WDR89: variants seen among roughly 807,000 people sequenced by gnomAD.
WDR89 encodes WD repeat-containing protein 89.
A neutral mutation model predicts 29.1 loss-of-function variants in WDR89; 17 were observed. The ratio of observed to expected loss-of-function variants is 0.58; its 90% CI spans 0.40 to 0.88. WDR89 has a LOEUF of 0.88. Among genes scored for constraint, WDR89 ranks in the 40% least tolerant of loss-of-function variants. The probability of loss-of-function intolerance (pLI) is 0.00; values close to 1 mark genes in which losing one functional copy is unlikely to be tolerated. For missense variants in WDR89, 396 were observed against 456.3 expected, an observed-to-expected ratio of 0.87 and a Z score of 1.20; for synonymous variants, 138 against 157.8, an observed-to-expected ratio of 0.87 and a Z score of 0.94.
chr14:63,608,665 T>TGCACACACACACAC (rs1566791762), intron 2 of WDR89, among the ~76,000 whole-genome samples: 1 of 124,126 alleles, frequency 8.1e-6, no homozygotes, highest in Non-Finnish European at 1.6e-5. Flanking sequence ...GTGTGGTGCA[T>TGCACACACACACAC]GCACACACAC....
chr14:63,627,146 ACACACTCTCTCT>A (rs1416651484), intron 1 of WDR89, among the ~76,000 whole-genome samples: 21 of 130,576 alleles, frequency 1.6e-4, no homozygotes, highest in African/African-American at 6.4e-4. Flanking sequence ...ACACACACAC[ACACACTCTCTCT>A]CTCTCTCTCT....
Position 63,599,077 on chromosome 14 carries a change from A to G in WDR89, c.866T>C (p.Leu289Ser), listed in dbSNP as rs1450705425. 1 of 1,614,152 alleles carries G rather than the reference A, an allele frequency of 6.2e-7. No individual in the cohort carries two copies. Among genetic ancestry groups the G allele is most frequent in the Non-Finnish European group, 8.5e-7 (1 of 1,180,022 alleles). Residue 289 changes from leucine to serine, a missense_variant, in exon 3 of 3, where the codon TTG (leucine) becomes TCG (serine). Transcript: ENST00000620954. ...TTTGTTTGTTCCTCCAATAACATGC[A>G]ATGTGTCTGTCTTTTCATGATATAG... Reference protein sequence around the residue: ...GGLYHEKTDTLHVIGGTNKGR... With the variant: ...GGLYHEKTDTSHVIGGTNKGR...
chr14:63,612,617 C>T (rs1275037299), intron 2 of WDR89, among the ~76,000 whole-genome samples: 3 of 152,108 alleles, frequency 2.0e-5, no homozygotes, highest in Non-Finnish European at 4.4e-5. Flanking sequence ...TCAGGTGATC[C>T]ATCCGCCTCG....
At chr14:63,606,011 T>C (rs556577601) in intron 2 of WDR89, among the ~76,000 whole-genome samples, 1 of 151,868 alleles carries the variant, frequency 6.6e-6, no homozygotes, top group East Asian at 1.9e-4. Flanking sequence ...TTTTCTTCTT[T>C]TTTTTTTTGG....
chr14:63,622,929 A>ACT (rs1882793670), intron 2 of WDR89, among the ~76,000 whole-genome samples: 7 of 152,076 alleles, frequency 4.6e-5, no homozygotes, highest in Non-Finnish European at 1.5e-5. Context: ...GGCCAGGCAC[A>ACT]GTGGCTCACG....
chr14:63,604,771 G>A (rs1172384641), intron 2 of WDR89, among the ~76,000 whole-genome samples: 1 of 152,164 alleles, frequency 6.6e-6, no homozygotes, highest in Non-Finnish European at 1.5e-5. Flanking sequence ...ATGCCTAACT[G>A]ATTCAACTTT....
chr14:63,633,856 TC>T (rs1355504225), intron 1 of WDR89, among the ~76,000 whole-genome samples: 20 of 152,276 alleles, frequency 1.3e-4, no homozygotes, highest in Non-Finnish European at 1.5e-4. Context: ...GCTTTGTAGA[TC>T]AGATGTGAAG....
chr14:63,610,586 G>C (rs144682299), intron 2 of WDR89, among the ~76,000 whole-genome samples: 3 of 151,858 alleles, frequency 2.0e-5, no homozygotes, highest in East Asian at 1.9e-4. Context: ...ATGAACCCCC[G>C]GTATGATGTG....
At chr14:63,604,223 G>A (rs889212999) in intron 2 of WDR89, among the ~76,000 whole-genome samples, 4 of 152,154 alleles carry the variant, frequency 2.6e-5, no homozygotes, top group African/African-American at 4.8e-5. Flanking sequence ...CCAGGGGTTC[G>A]AGACCAGCCT....
intron 2 of WDR89, among the ~76,000 whole-genome samples, chr14:63,623,458 C>T (rs1193868327): frequency 6.6e-6 from 1 of 151,964 alleles, no homozygotes; most frequent in African/African-American, 2.4e-5. Flanking sequence ...AATCCCAGCA[C>T]TTTGGGAGGC....
At chr14:63,605,485 A>T (rs1467219628) in intron 2 of WDR89, among the ~76,000 whole-genome samples, 1 of 149,562 alleles carries the variant, frequency 6.7e-6, no homozygotes, top group African/African-American at 2.5e-5. Flanking sequence ...TTTGAGACGG[A>T]GTTTCGCTTT....
At chr14:63,635,701 G>A (rs1324273344) in intron 1 of WDR89, among the ~76,000 whole-genome samples, 4 of 152,174 alleles carry the variant, frequency 2.6e-5, no homozygotes, top group Non-Finnish European at 4.4e-5. Context: ...ACTGTTTGCT[G>A]AAGACATGGT....
At chr14:63,612,374 AGAGTGTAGTGGT>A (rs1169911699) in intron 2 of WDR89, among the ~76,000 whole-genome samples, 1 of 149,012 alleles carries the variant, frequency 6.7e-6, no homozygotes, top group Non-Finnish European at 1.5e-5. Context: ...CGCCCGGGCT[AGAGTGTAGTGGT>A]GGGATCTCTG....
rs1172079581 is a variant in WDR89, at chr14:63,618,905, C to T, written c.-32+6023G>A. On this transcript the variant is annotated intron_variant, in intron 2 of 2. Transcript: ENST00000620954. The stretch of plus-strand genomic sequence containing the variant: ...ACCCTCGGGGAAAAAAGGAATAATG[C>T]CTTGAAAATTCTGAGTCAAAATTAT... 2.6e-5 allele frequency among the ~76,000 whole-genome samples: 4 copies of T among 152,138 alleles called. No homozygotes were observed. In the East Asian group the frequency reaches 7.7e-4, roughly 29 times the overall value.
At chr14:63,601,991 CCTGT>C (rs1391639212) in intron 2 of WDR89, among the ~76,000 whole-genome samples, 12 of 152,210 alleles carry the variant, frequency 7.9e-5, no homozygotes, top group Non-Finnish European at 1.3e-4. Flanking sequence ...TTCTTTCTAG[CCTGT>C]CTAACAAATT....
intron 2 of WDR89, among the ~76,000 whole-genome samples, chr14:63,615,805 T>C (rs991143017): frequency 4.9e-4 from 74 of 151,838 alleles, no homozygotes; most frequent in African/African-American, 1.7e-3. Context: ...GTGTCTGTAC[T>C]CCCAGCTACT....
intron 2 of WDR89, among the ~76,000 whole-genome samples, chr14:63,610,726 G>A (rs1400919466): frequency 1.4e-5 from 2 of 145,322 alleles, no homozygotes; most frequent in Admixed American, 1.4e-4. Flanking sequence ...TTTTTGAGAG[G>A]GAGTCTCACT....
intron 2 of WDR89, among the ~76,000 whole-genome samples, chr14:63,604,049 G>C (rs1173360937): frequency 6.6e-6 from 1 of 152,190 alleles, no homozygotes; most frequent in Non-Finnish European, 1.5e-5. Context: ...CCTGCCCAGA[G>C]AGAGTCTCTC....
chr14:63,615,148 T>C (rs1342893931), intron 2 of WDR89, among the ~76,000 whole-genome samples: 2 of 152,140 alleles, frequency 1.3e-5, no homozygotes, highest in Non-Finnish European at 2.9e-5. Context: ...ACAAAAACAT[T>C]TTCCTCAATA....
Sources: gnomAD v4.1 joint callset for allele counts (sites outside exome capture counted in the v4.1 genomes callset) on GRCh38, gnomAD v4.1.1 for gene constraint, MANE v1.5 for transcripts, NCBI Gene and HGNC (gene_info 2026-07-23, HGNC 2026-07-21) for gene names.